The following TBC1D1 variants were observed in gnomAD, a reference collection of about 807,000 sequenced individuals.
TBC1D1 encodes TBC1 domain family member 1, also known as TBC1 (tre-2/USP6, BUB2, cdc16) domain family, member 1.
In TBC1D1, 89 loss-of-function variants were observed where a neutral mutation model predicts 125.6. That is an observed-to-expected ratio of 0.71 (90% CI 0.60 to 0.85). The LOEUF (loss-of-function observed/expected upper bound fraction) is 0.85, where lower values mean the gene tolerates loss of function less well. Ranked by LOEUF, TBC1D1 falls within the 40% of genes least tolerant of loss-of-function variation. The pLI is 0.00. For synonymous variants in TBC1D1, 565 were observed against 564.1 expected (o/e 1.00, Z -0.02); for missense variants, 1,377 against 1,469.2 (o/e 0.94, Z 1.03).
At chr4:38,116,247 C>T (rs73134648) in intron 16 of TBC1D1, among the ~76,000 whole-genome samples, 6,096 of 152,214 alleles carry the variant, frequency 0.04, 408 homozygotes, top group African/African-American at 0.14. Context: ...GAAACCCAGG[C>T]CTCTCTGACT....
At chr4:37,924,775 C>T (rs1577881750) in intron 2 of TBC1D1, among the ~76,000 whole-genome samples, 3 of 152,256 alleles carry the variant, frequency 2.0e-5, no homozygotes, top group Admixed American at 2.0e-4. Context: ...ATGTATCTGT[C>T]GATGGACATG....
chr4:37,930,202 G>A (rs898416375), intron 2 of TBC1D1, among the ~76,000 whole-genome samples: 3 of 152,190 alleles, frequency 2.0e-5, no homozygotes, highest in African/African-American at 7.2e-5. Flanking sequence ...GTAAAAACAC[G>A]AGTGAATTCT....
intron 8 of TBC1D1, among the ~76,000 whole-genome samples, chr4:38,037,776 T>C (rs1747501398): frequency 6.6e-6 from 1 of 152,132 alleles, no homozygotes; most frequent in Non-Finnish European, 1.5e-5. Flanking sequence ...AGGGAGGCCA[T>C]ATGCGCTTTT....
In TBC1D1 at chr4:38,125,076, T is replaced by C; in HGVS notation, c.3077T>C (p.Ile1026Thr). ...AACCTAGAAACCATAGTTGACTTTA[T>C]AAAAAGCACGCTACCCAACCTTGGC... Residue 1026 changes from isoleucine to threonine, a missense_variant, in exon 18 of 20, where the codon ATA becomes ACA. Coordinates refer to ENST00000261439, the MANE Select transcript of TBC1D1 (RefSeq NM_015173.4). 6.2e-7 allele frequency: 1 copy of C among 1,614,090 alleles called. No individual in the cohort carries two copies. The highest frequency in any genetic ancestry group is 8.5e-7 in the Non-Finnish European group (1 of 1,180,000).
In TBC1D1 at chr4:38,133,122, T is replaced by C. The variant is rs1434014683; in HGVS notation, c.3171T>C (p.Tyr1057=). The C allele has an allele frequency of 6.2e-7, 1 of 1,614,096 alleles. No individual in the cohort carries two copies. The highest frequency in any genetic ancestry group is 1.3e-5 in the African/African-American group (1 of 74,940). Residue 1057 remains tyrosine (Y), a synonymous_variant, in exon 19 of 20, where the codon TAT becomes TAC. Transcript: ENST00000261439. ...ACATCGCTAAACAGTTACAAGCTTATGAAGTTGAGTACCACGTCCTTCAAG... is the reference window on the plus strand; with the variant it reads ...ACATCGCTAAACAGTTACAAGCTTACGAAGTTGAGTACCACGTCCTTCAAG...
At chr4:38,048,920 T>C (rs770208572) in intron 10 of TBC1D1, among the ~76,000 whole-genome samples, 20 of 152,284 alleles carry the variant, frequency 1.3e-4, no homozygotes, top group Admixed American at 1.0e-3. Context: ...CATAGATTTA[T>C]TGCATACCTA....
intron 2 of TBC1D1, among the ~76,000 whole-genome samples, chr4:37,987,685 C>T (rs10011664): frequency 0.26 from 39,113 of 152,040 alleles, 5,120 homozygotes; most frequent in East Asian, 0.33. Flanking sequence ...AGAAAAATCA[C>T]ATAGAAGATT....
At chr4:37,923,628 A>G (rs529356112) in intron 2 of TBC1D1, among the ~76,000 whole-genome samples, 1 of 150,812 alleles carries the variant, frequency 6.6e-6, no homozygotes, top group Admixed American at 6.6e-5. Flanking sequence ...AGTTGTAACC[A>G]CAAAAGCCTT....
intron 2 of TBC1D1, chr4:37,960,339 T>G: frequency 8.6e-7 from 1 of 1,157,572 alleles, no homozygotes; most frequent in Non-Finnish European, 1.2e-6. Flanking sequence ...AATTAGATAT[T>G]ACACCAATTT....
At position 38,014,966 on chromosome 4, in the gene TBC1D1, TC is replaced by T. The variant is rs771997890; in HGVS notation, c.876del (p.Phe293SerfsTer18). The T allele has an allele frequency of 6.5e-7, 1 of 1,532,864 alleles. No homozygotes were observed. The highest frequency in any genetic ancestry group is 8.8e-7 in the Non-Finnish European group (1 of 1,137,566). The allele number at this position is 1,532,864 out of a possible 1,614,324, so 95.0% of individuals were successfully genotyped here. ...GATATCGAGGAAAATCGAACTATGC[TC>T]TTCACGGTAAAATATCACCCAGCTC... On this transcript the variant is annotated frameshift_variant, in exon 3 of 20. Transcript: ENST00000261439. LOFTEE classifies it high-confidence loss of function. The surrounding 1 kb of genome is among the most constrained non-coding windows in gnomAD (Gnocchi z 5.1).
rs1466491333 is a variant in TBC1D1 at position 38,014,321 on chromosome 4, C to A, written c.418-188C>A. Among the ~76,000 whole-genome samples, 2 of 152,188 alleles carry A rather than the reference C, an allele frequency of 1.3e-5. No homozygotes were observed. Among genetic ancestry groups the A allele is most frequent in the East Asian group, 3.9e-4 (2 of 5,192 alleles). On this transcript the variant is annotated intron_variant, in intron 2 of 19. Coordinates refer to ENST00000261439, the MANE Select transcript of TBC1D1 (RefSeq NM_015173.4). The surrounding 1 kb of genome is among the most constrained non-coding windows in gnomAD (Gnocchi z 5.1). ...GTCCCCCTTCTCTTTTCTGTGGAAG[C>A]TGTGTGTTCACCTCCCATGGGAAGA... is the stretch of plus-strand genomic sequence containing the variant.
intron 8 of TBC1D1, among the ~76,000 whole-genome samples, chr4:38,038,924 C>T (rs572166294): frequency 1.3e-4 from 19 of 148,664 alleles, no homozygotes; most frequent in African/African-American, 1.3e-4. Flanking sequence ...CCAGCCTGGG[C>T]GACAGAGAGA....
chr4:38,118,987 G>C (rs529166750), intron 17 of TBC1D1, among the ~76,000 whole-genome samples: 1 of 152,124 alleles, frequency 6.6e-6, no homozygotes, highest in Non-Finnish European at 1.5e-5. Context: ...TGGTCAGTTC[G>C]GGCACAGTTT....
chr4:38,064,837 A>G (rs984790528), intron 12 of TBC1D1, among the ~76,000 whole-genome samples: 2 of 151,278 alleles, frequency 1.3e-5, no homozygotes, highest in Non-Finnish European at 2.9e-5. Context: ...GTTGACCAGG[A>G]TGGTCTTCAT....
At chr4:37,901,348 G>A (rs941636060) in intron 1 of TBC1D1, among the ~76,000 whole-genome samples, 1 of 151,866 alleles carries the variant, frequency 6.6e-6, no homozygotes, top group African/African-American at 2.4e-5. Flanking sequence ...GTAGAGACGG[G>A]GTTTCACCAT....
At chr4:38,048,353 T>C (rs1392095090) in intron 10 of TBC1D1, among the ~76,000 whole-genome samples, 1 of 152,138 alleles carries the variant, frequency 6.6e-6, no homozygotes, top group Non-Finnish European at 1.5e-5. Context: ...ATGATGGAGA[T>C]TGTGTTCTGT....
At chr4:38,017,827 G>T (rs773458271) in intron 3 of TBC1D1, among the ~76,000 whole-genome samples, 27 of 152,188 alleles carry the variant, frequency 1.8e-4, no homozygotes, top group Non-Finnish European at 3.5e-4. Flanking sequence ...CAACACAGCA[G>T]TCTCCTATAA....
At chr4:37,919,675 C>T (rs1464169702) in intron 2 of TBC1D1, among the ~76,000 whole-genome samples, 1 of 152,092 alleles carries the variant, frequency 6.6e-6, no homozygotes, top group Non-Finnish European at 1.5e-5. Flanking sequence ...TATGAGCTTC[C>T]TCCTCTTTTG....
At chr4:38,041,581 G>A (rs548518492) in intron 8 of TBC1D1, among the ~76,000 whole-genome samples, 1 of 152,286 alleles carries the variant, frequency 6.6e-6, no homozygotes, top group East Asian at 1.9e-4. Flanking sequence ...TAGGAACATA[G>A]ATAAATTAGG....
Sources: allele counts gnomAD v4.1 joint callset (sites outside exome capture counted in the v4.1 genomes callset), GRCh38; gene constraint gnomAD v4.1.1; non-coding constraint Gnocchi (gnomAD v3.1); transcripts MANE v1.5; gene names NCBI Gene and HGNC (gene_info 2026-07-23, HGNC 2026-07-21).